The following ECH1 variants were observed in gnomAD, a reference collection of about 807,000 sequenced individuals.
ECH1 encodes enoyl-CoA hydratase 1.
Under a neutral mutation model 37.0 loss-of-function variants are expected in ECH1, and 30 were observed. The ratio of observed to expected loss-of-function variants is 0.81; its 90% CI spans 0.61 to 1.10. The LOEUF (loss-of-function observed/expected upper bound fraction) is 1.10, where lower values mean the gene tolerates loss of function less well. Ranked by LOEUF, ECH1 falls within the 50% of genes least tolerant of loss-of-function variation. The pLI is 0.00. For synonymous variants in ECH1, 178 were observed against 176.0 expected (o/e 1.01, Z -0.09); for missense variants, 456 against 441.6 (o/e 1.03, Z -0.29).
At chr19:38,828,717 G>A (rs1037962776) in intron 3 of ECH1, among the ~76,000 whole-genome samples, 2 of 152,042 alleles carry the variant, frequency 1.3e-5, no homozygotes, top group East Asian at 1.9e-4. Context: ...CCAGGTTCAC[G>A]CCATTCTCCT....
At chr19:38,816,692 G>T (rs561961293) in intron 6 of ECH1, among the ~76,000 whole-genome samples, 169 bp from the exon 7 acceptor site, 1 of 152,248 alleles carries the variant, frequency 6.6e-6, no homozygotes, top group South Asian at 2.1e-4. Context: ...ACTCAGGCAA[G>T]TTCCTTCAAC....
chr19:38,816,576 GCAA>G (rs1568356153), intron 6 of ECH1, 53 bp from the exon 7 acceptor site: 1 of 1,594,410 alleles, frequency 6.3e-7, no homozygotes, highest in East Asian at 2.2e-5. Context: ...TGTGCCCCTC[GCAA>G]TGTCAACGTC....
intron 3 of ECH1, among the ~76,000 whole-genome samples, chr19:38,829,890 C>G (rs1971793683): frequency 6.6e-6 from 1 of 151,796 alleles, no homozygotes; most frequent in African/African-American, 2.4e-5. Flanking sequence ...CACGGTGGCT[C>G]ACGCCTATCA....
intron 5 of ECH1, 40 bp downstream of exon 5, chr19:38,817,276 C>G (rs748763697): frequency 6.5e-7 from 1 of 1,531,404 alleles, no homozygotes; most frequent in Non-Finnish European, 8.8e-7. Context: ...AGCAGCCCCA[C>G]CTGGGGAGCA....
chr19:38,823,552 C>G (rs543775737), intron 3 of ECH1, among the ~76,000 whole-genome samples: 2 of 152,296 alleles, frequency 1.3e-5, no homozygotes, highest in East Asian at 1.9e-4. Flanking sequence ...AAAGGGCTCT[C>G]TAACAACTCC....
At position 38,830,828 on chromosome 19, in the gene ECH1, C is replaced by T. The variant is rs190556475; in HGVS notation, c.349+250G>A. The T allele has an allele frequency of 1.2e-3, 591 of 502,742 alleles. 2 individuals are homozygous for T. Among genetic ancestry groups the T allele is most frequent in the African/African-American group, 0.011 (548 of 51,450 alleles). The allele number at this position is 502,742 out of a possible 1,614,324, so 31.1% of individuals were successfully genotyped here. On this transcript the variant is annotated intron_variant, in intron 3 of 9. Coordinates refer to ENST00000221418, the MANE Select transcript of ECH1 (RefSeq NM_001398.3). The stretch of plus-strand genomic sequence containing the variant: ...TCTCTACTAAAAATACAAAAATTAG[C>T]TGGGTGTGGTGGCCCACGCCTGTAG...
intron 8 of ECH1, 118 bp from the exon 9 acceptor site, chr19:38,816,125 A>G (rs1219273255): frequency 1.1e-5 from 17 of 1,495,568 alleles, no homozygotes; most frequent in Non-Finnish European, 1.5e-5. Flanking sequence ...GAAACAGCCC[A>G]ATCAGAGCAG....
Position 38,831,099 on chromosome 19 carries a change from C to A in ECH1, c.328G>T (p.Ala110Ser). 6.2e-7 allele frequency: 1 copy of A among 1,613,910 alleles called. No individual in the cohort carries two copies. Among genetic ancestry groups the A allele is most frequent in the Non-Finnish European group, 8.5e-7 (1 of 1,179,972 alleles). Reference protein sequence around the residue: ...ADCRAVVISGAGKMFTAGIDL... With the variant: ...ADCRAVVISGSGKMFTAGIDL... ...GTACCTGCAGTGAACATTTTTCCTGCACCAGAGATCACCACCGCCCGACAG... is the reference window on the plus strand; with the variant it reads ...GTACCTGCAGTGAACATTTTTCCTGAACCAGAGATCACCACCGCCCGACAG... The change falls in exon 3 of 10, where the codon GCA (alanine) becomes TCA (serine). Residue 110 changes from alanine (A) to serine (S), a missense_variant. Physicochemically the swap from Ala to Ser is moderately conservative, Grantham distance 99 (BLOSUM62 1). Coordinates refer to ENST00000221418, the MANE Select transcript of ECH1 (RefSeq NM_001398.3).
chr19:38,819,202 G>A (rs1406801652), intron 3 of ECH1: 1 of 985,270 alleles, frequency 1.0e-6, no homozygotes, highest in African/African-American at 1.7e-5. Flanking sequence ...GCTGTGCAGT[G>A]GTACAGAATC....
intron 3 of ECH1, among the ~76,000 whole-genome samples, chr19:38,818,637 A>G (rs567885583): frequency 6.6e-6 from 1 of 151,838 alleles, no homozygotes; most frequent in East Asian, 1.9e-4. Context: ...ACAGGCGCCC[A>G]CCACCATGCC....
intron 3 of ECH1, among the ~76,000 whole-genome samples, chr19:38,818,930 T>C (rs75547981): frequency 0.036 from 3,963 of 108,964 alleles, 163 homozygotes; most frequent in African/African-American, 0.1. Context: ...TGTGTGTGTG[T>C]GTGCACTGTT....
chr19:38,816,310 G>A lies in ECH1; in HGVS notation c.705C>T (p.Asp235=), dbSNP rs755375703. The A allele has an allele frequency of 3.1e-6, 5 of 1,613,604 alleles. No individual in the cohort carries two copies. The highest frequency in any genetic ancestry group is 1.1e-5 in the South Asian group (1 of 91,054). ...LAFTARKMMA[D]EALGSGLVSR... ...TGACCAGCCCACTGCCCAGGGCCTC[G>A]TCAGCCATCATCTTGCGGGCGGTGA... Residue 235 remains aspartate, a synonymous_variant, in exon 8 of 10, where the codon GAC becomes GAT. Transcript: ENST00000221418.
chr19:38,815,684 C>T lies in ECH1; in HGVS notation c.916G>A (p.Asp306Asn), dbSNP rs532825433. ...GTGGCCTGGACCGACTTCACGAGGT[C>T]TTGGGTCTGCAGCATGCTCATGTTC... is the stretch of plus-strand genomic sequence containing the variant. ...SWNMSMLQTQ[D>N]LVKSVQATTE... The change falls in exon 10 of 10, where the codon GAC (aspartate) becomes AAC (asparagine). Residue 306 changes from aspartate to asparagine, a missense_variant. Physicochemically the swap from Asp to Asn is conservative, Grantham distance 23 (BLOSUM62 1). Transcript: ENST00000221418. 28 of 1,614,156 alleles carry T rather than the reference C, an allele frequency of 1.7e-5. No homozygotes were observed. In the East Asian group the frequency reaches 5.8e-4, roughly 33 times the overall value.
chr19:38,816,999 C>T (rs866659508), intron 6 of ECH1, 66 bp downstream of exon 6: 5 of 1,520,940 alleles, frequency 3.3e-6, no homozygotes, highest in Middle Eastern at 1.7e-4. Flanking sequence ...CCTCGAGGCT[C>T]ACTCCAGGCC....
In ECH1 at chr19:38,817,248, T is replaced by C. The variant is rs1568356511; in HGVS notation, c.523+68A>G. The C allele has an allele frequency of 2.0e-6, 3 of 1,533,676 alleles. No individual in the cohort carries two copies. In the South Asian group the frequency reaches 3.6e-5, roughly 19 times the overall value. On this transcript the variant is annotated intron_variant, in intron 5 of 9. Transcript: ENST00000221418. ...TGACAGAGCTGAGGCTGGATGCCAG[T>C]GGCCGCGGCATCGGAGCAGCAGCCC...
intron 3 of ECH1, among the ~76,000 whole-genome samples, chr19:38,821,652 G>A (rs1390450917): frequency 6.6e-6 from 1 of 152,230 alleles, no homozygotes; most frequent in Non-Finnish European, 1.5e-5. Flanking sequence ...CAGCAGCTGC[G>A]GAGGGTACAC....
In ECH1 at chr19:38,831,753, G is replaced by A. The variant is rs764050776; in HGVS notation, c.20C>T (p.Ala7Val). 6.2e-7 allele frequency: 1 copy of A among 1,613,132 alleles called. No homozygotes were observed. Among genetic ancestry groups the A allele is most frequent in the Non-Finnish European group, 8.5e-7 (1 of 1,179,854 alleles). Reference sequence around the variant, plus strand: ...CAGTAGGTCGCGGAGTCTGCGAGAAGCCACTATCCCCGCCGCCATCGCCGC... The same window carrying A: ...CAGTAGGTCGCGGAGTCTGCGAGAAACCACTATCCCCGCCGCCATCGCCGC... MAAGIV[A>V]SRRLRDLLTR... Residue 7 changes from alanine to valine, a missense_variant, in exon 1 of 10, where the codon GCT becomes GTT. Transcript: ENST00000221418.
At chr19:38,820,513 A>G (rs1971646754) in intron 3 of ECH1, 1 of 152,148 alleles carries the variant, frequency 6.6e-6, no homozygotes, top group Non-Finnish European at 1.5e-5. Context: ...TGCTCTCTGG[A>G]TCTGTTTCAC....
intron 3 of ECH1, among the ~76,000 whole-genome samples, chr19:38,820,809 C>T (rs113931683): frequency 3.9e-5 from 6 of 152,290 alleles, no homozygotes; most frequent in Admixed American, 1.3e-4. Context: ...CAAAAAAGCC[C>T]CATTTTTCTG....
Sources: gnomAD v4.1 joint callset for allele counts (sites outside exome capture counted in the v4.1 genomes callset) on GRCh38, gnomAD v4.1.1 for gene constraint, MANE v1.5 for transcripts, NCBI Gene and HGNC (gene_info 2026-07-23, HGNC 2026-07-21) for gene names.